The following WDR7 variants were observed in gnomAD, a reference collection of about 807,000 sequenced individuals.
The protein encoded by WDR7 is WD repeat domain 7, also known as WD repeat-containing protein 7.
In WDR7, 46 loss-of-function variants were observed where a neutral mutation model predicts 169.4. That is an observed-to-expected ratio of 0.27 (90% CI 0.21 to 0.35). The LOEUF (loss-of-function observed/expected upper bound fraction) is 0.35, where lower values mean the gene tolerates loss of function less well. WDR7 is among the 10% of genes least tolerant of loss of function. The pLI is 1.00. For missense variants in WDR7, 1,534 were observed against 1,859.3 expected (o/e 0.83, Z 3.22); for synonymous variants, 612 against 666.8 (o/e 0.92, Z 1.27).
In WDR7 at chr18:56,856,836, T is replaced by C. The variant is rs996108153; in HGVS notation, c.3305-23108T>C. Reference sequence around the variant, plus strand: ...CCTCCCCTAGTTTGTTTTTGAGAAGTAGAGATTTTTAGCTGAGACCACAGC... The same window carrying C: ...CCTCCCCTAGTTTGTTTTTGAGAAGCAGAGATTTTTAGCTGAGACCACAGC... On this transcript the variant is annotated intron_variant, in intron 20 of 27. Transcript: ENST00000254442. Among the ~76,000 whole-genome samples, 24 of 152,288 alleles carry C rather than the reference T, an allele frequency of 1.6e-4. No individual in the cohort carries two copies. The East Asian group carries it at 4.6e-3, about 29-fold the overall frequency.
intron 20 of WDR7, among the ~76,000 whole-genome samples, chr18:56,865,142 T>C (rs983314490): frequency 1.3e-5 from 2 of 152,032 alleles, no homozygotes; most frequent in African/African-American, 4.8e-5. Context: ...AGTACTTACT[T>C]GGTAGTCTAT....
intron 1 of WDR7, among the ~76,000 whole-genome samples, chr18:56,661,930 T>A (rs1194519308): frequency 6.6e-6 from 1 of 152,154 alleles, no homozygotes; most frequent in African/African-American, 2.4e-5. Flanking sequence ...CCTCATCACA[T>A]CATACTGTGA....
At chr18:56,964,346 T>C (rs1279481377) in intron 26 of WDR7, among the ~76,000 whole-genome samples, 3 of 152,068 alleles carry the variant, frequency 2.0e-5, no homozygotes, top group Non-Finnish European at 4.4e-5. Context: ...ATGTATATCA[T>C]TTTAGTATAT....
intron 14 of WDR7, among the ~76,000 whole-genome samples, chr18:56,739,452 C>T (rs2043579375): frequency 6.6e-6 from 1 of 152,116 alleles, no homozygotes; most frequent in African/African-American, 2.4e-5. Flanking sequence ...TGTAACTTTA[C>T]ATATACTTTA....
intron 12 of WDR7, among the ~76,000 whole-genome samples, chr18:56,698,281 C>T (rs907553728): frequency 4.6e-5 from 7 of 151,606 alleles, no homozygotes; most frequent in Non-Finnish European, 8.8e-5. Flanking sequence ...CTTATATATT[C>T]CCTTGTGTTT....
intron 14 of WDR7, among the ~76,000 whole-genome samples, chr18:56,752,680 G>A (rs1459521970): frequency 1.3e-5 from 2 of 152,160 alleles, no homozygotes; most frequent in African/African-American, 4.8e-5. Context: ...ATTGTGTAGT[G>A]CAAATTTATC....
chr18:56,856,963 A>G (rs955366678), intron 20 of WDR7, among the ~76,000 whole-genome samples: 1 of 152,232 alleles, frequency 6.6e-6, no homozygotes, highest in African/African-American at 2.4e-5. Flanking sequence ...GGAGAAAGTT[A>G]TGTAATATAA....
intron 20 of WDR7, among the ~76,000 whole-genome samples, chr18:56,871,844 T>A (rs1349410950): frequency 2.0e-5 from 3 of 152,102 alleles, no homozygotes; most frequent in Admixed American, 2.0e-4. Flanking sequence ...ATATGGTTAT[T>A]ATCTTGACGG....
Position 57,029,013 on chromosome 18 carries a change from G to T in WDR7, c.*1806G>T, listed in dbSNP as rs1038338316. Reference sequence around the variant, plus strand: ...TAAAAGGCTCACTTTGTTTTCCAGTGGGTCCAGAGTCTTCTCTATACCCAA... The same window carrying T: ...TAAAAGGCTCACTTTGTTTTCCAGTTGGTCCAGAGTCTTCTCTATACCCAA... On this transcript the variant is annotated 3_prime_UTR_variant, in exon 28 of 28. Coordinates refer to ENST00000254442, the MANE Select transcript of WDR7 (RefSeq NM_015285.3). 1 of 152,720 alleles carries T rather than the reference G, an allele frequency of 6.5e-6. No individual in the cohort carries two copies. Among genetic ancestry groups the T allele is most frequent in the Non-Finnish European group, 1.5e-5 (1 of 68,048 alleles). 9.5% of individuals were successfully genotyped at this position (152,720 alleles called of 1,614,324 possible).
chr18:56,803,751 C>T (rs1277364312), intron 19 of WDR7, among the ~76,000 whole-genome samples: 1 of 152,180 alleles, frequency 6.6e-6, no homozygotes, highest in Non-Finnish European at 1.5e-5. Flanking sequence ...TACCACATCT[C>T]AGGCACTGTG....
At chr18:56,870,634 A>T (rs532065033) in intron 20 of WDR7, among the ~76,000 whole-genome samples, 2 of 152,294 alleles carry the variant, frequency 1.3e-5, no homozygotes, top group South Asian at 4.1e-4. Context: ...TTAATATTCC[A>T]TTAGGCAGCC....
chr18:56,775,219 A>G (rs564524228), intron 16 of WDR7, among the ~76,000 whole-genome samples: 7 of 152,242 alleles, frequency 4.6e-5, no homozygotes, highest in African/African-American at 1.7e-4. Context: ...AAATTAACAC[A>G]GCCTTTCCAG....
intron 25 of WDR7, among the ~76,000 whole-genome samples, chr18:56,940,735 G>T (rs914317457): frequency 6.6e-6 from 1 of 152,104 alleles, no homozygotes; most frequent in Non-Finnish European, 1.5e-5. Context: ...TTTTATTAGG[G>T]CTTATTTTAC....
At chr18:56,769,273 G>A (rs1460574931) in intron 16 of WDR7, among the ~76,000 whole-genome samples, 1 of 150,942 alleles carries the variant, frequency 6.6e-6, no homozygotes, top group Admixed American at 6.6e-5. Flanking sequence ...AGGCTGGACC[G>A]CAGTGGTGCA....
chr18:56,962,653 C>T, intron 26 of WDR7, 124 bp downstream of exon 26: 3 of 840,534 alleles, frequency 3.6e-6, no homozygotes, highest in Non-Finnish European at 5.8e-6. Flanking sequence ...CTAAAGGGAT[C>T]AATAGTTTAA....
At chr18:56,830,296 A>C (rs895080712) in intron 20 of WDR7, among the ~76,000 whole-genome samples, 7 of 152,224 alleles carry the variant, frequency 4.6e-5, no homozygotes, top group African/African-American at 1.4e-4. Context: ...CATACACGGC[A>C]CACAATAGAA....
chr18:56,902,690 C>G (rs754117495), intron 21 of WDR7, among the ~76,000 whole-genome samples: 1 of 152,058 alleles, frequency 6.6e-6, no homozygotes, highest in Non-Finnish European at 1.5e-5. Flanking sequence ...TTCAACTGTG[C>G]TAGGATTTGG....
chr18:56,781,897 A>T, intron 19 of WDR7: 1 of 307,502 alleles, frequency 3.3e-6, no homozygotes, highest in Non-Finnish European at 5.8e-6. Context: ...TGACTTTTAT[A>T]AATGAATTCC....
chr18:56,916,829 C>T (rs1030663458), intron 21 of WDR7, among the ~76,000 whole-genome samples: 15 of 152,048 alleles, frequency 9.9e-5, no homozygotes, highest in African/African-American at 2.9e-4. Context: ...TTGGGAGGCC[C>T]GAGGCAGGTA....
Sources: allele counts gnomAD v4.1 joint callset (sites outside exome capture counted in the v4.1 genomes callset), GRCh38; gene constraint gnomAD v4.1.1; transcripts MANE v1.5; gene names NCBI Gene and HGNC (gene_info 2026-07-23, HGNC 2026-07-21).